The following CUX1 variants were observed in gnomAD, a reference collection of about 807,000 sequenced individuals.
CUX1 encodes cut like homeobox 1.
A neutral mutation model predicts 158.8 loss-of-function variants in CUX1; 31 were observed. The observed-to-expected ratio is 0.20, with a 90% CI of 0.15 to 0.26. The LOEUF is 0.26. Ranked by LOEUF, CUX1 falls within the 10% of genes least tolerant of loss-of-function variation. The pLI, the probability that CUX1 is intolerant of heterozygous loss-of-function variation, is 1.00. For synonymous variants in CUX1, 879 were observed against 862.1 expected (o/e 1.02, Z -0.34); for missense variants, 1,589 against 2,014.6 (o/e 0.79, Z 4.04).
At chr7:101,958,741 A>T (rs1231867700) in intron 2 of CUX1, among the ~76,000 whole-genome samples, 2 of 151,320 alleles carry the variant, frequency 1.3e-5, no homozygotes, top group East Asian at 1.9e-4. Flanking sequence ...CAGCCTCCCA[A>T]AGTGCTGGGA....
At chr7:102,165,523 C>A (rs1790931255) in intron 9 of CUX1, among the ~76,000 whole-genome samples, 1 of 151,922 alleles carries the variant, frequency 6.6e-6, no homozygotes, top group East Asian at 1.9e-4. Context: ...CACCCCCACG[C>A]CCAGCTAATT....
chr7:102,040,374 C>A lies in CUX1; in HGVS notation c.189+12229C>A, dbSNP rs376567524. Among the ~76,000 whole-genome samples the A allele has an allele frequency of 2.0e-5, 3 of 152,138 alleles. No individual in the cohort carries two copies. The East Asian group carries it at 5.8e-4, about 29-fold the overall frequency. On this transcript the variant is annotated intron_variant, in intron 3 of 23. Transcript: ENST00000292535. ...GATGGGGGCAGTGAGTGCCAGGGCT[C>A]TGCAGGGATGGGCTTGCCTGGCAGG...
At chr7:101,926,364 T>C (rs1383500436) in intron 2 of CUX1, among the ~76,000 whole-genome samples, 1 of 152,176 alleles carries the variant, frequency 6.6e-6, no homozygotes, top group East Asian at 1.9e-4. Flanking sequence ...GTGGGACCAG[T>C]AATGAAGGCA....
intron 2 of CUX1, among the ~76,000 whole-genome samples, chr7:102,021,093 T>G (rs1300811844): frequency 1.8e-4 from 28 of 151,752 alleles, no homozygotes; most frequent in Non-Finnish European, 4.4e-5. Context: ...GTGACCCAGT[T>G]CAGCCCCTCA....
chr7:101,874,276 G>T (rs1798883458), intron 1 of CUX1, among the ~76,000 whole-genome samples: 1 of 152,166 alleles, frequency 6.6e-6, no homozygotes, highest in Non-Finnish European at 1.5e-5. Flanking sequence ...TGCTTCCTTG[G>T]TGTCTCTCTC....
chr7:102,193,904 C>T lies in CUX1; in HGVS notation c.1125+14C>T. ...GCTGGGACACAGGTACGTGTCTCAC[C>T]TCAATGGTCAGCACTAGCATCAGCC... is the stretch of plus-strand genomic sequence containing the variant. On this transcript the variant is annotated intron_variant, in intron 13 of 23. Coordinates refer to ENST00000292535, the MANE Select transcript of CUX1 (RefSeq NM_181552.4). The T allele has an allele frequency of 6.2e-7, 1 of 1,613,690 alleles. No homozygotes were observed. Among genetic ancestry groups the T allele is most frequent in the Non-Finnish European group, 8.5e-7 (1 of 1,179,718 alleles).
intron 3 of CUX1, among the ~76,000 whole-genome samples, chr7:102,055,780 G>A (rs1180778214): frequency 6.6e-6 from 1 of 152,188 alleles, no homozygotes; most frequent in Admixed American, 6.5e-5. Flanking sequence ...AGTGAGAAAG[G>A]CGTGTTGAAA....
intron 8 of CUX1, among the ~76,000 whole-genome samples, chr7:102,150,955 A>G (rs1318609783): frequency 6.6e-6 from 1 of 152,230 alleles, no homozygotes; most frequent in Non-Finnish European, 1.5e-5. Flanking sequence ...TGCTGAGCAA[A>G]CAATATGTGC....
intron 2 of CUX1, among the ~76,000 whole-genome samples, chr7:102,017,470 CG>C (rs551308897): frequency 3.2e-4 from 35 of 108,840 alleles, no homozygotes; most frequent in Non-Finnish European, 6.1e-4. Context: ...TCACCATTCT[CG>C]CTAAGCTCCC....
At chr7:102,030,689 G>GTGTTTTGTTTTTTTTTTTTTTGTTTTT in intron 3 of CUX1, among the ~76,000 whole-genome samples, 1 of 82,546 alleles carries the variant, frequency 1.2e-5, no homozygotes, top group South Asian at 4.8e-4. Context: ...ATTTTAAAAA[G>GTGTTTTGTTTTTTTTTTTTTTGTTTTT]TGTTTTTTTT....
chr7:102,146,505 T>C (rs981260032), intron 8 of CUX1, among the ~76,000 whole-genome samples: 1 of 152,134 alleles, frequency 6.6e-6, no homozygotes, highest in Non-Finnish European at 1.5e-5. Flanking sequence ...CACGTCAACT[T>C]GTGGGGCAGG....
chr7:102,130,209 C>T (rs1236234996), intron 8 of CUX1, among the ~76,000 whole-genome samples: 2 of 152,072 alleles, frequency 1.3e-5, no homozygotes, highest in African/African-American at 2.4e-5. Context: ...TTTTTAATGC[C>T]GAGCTTTATG....
chr7:101,924,363 A>G (rs1805327686), intron 2 of CUX1, among the ~76,000 whole-genome samples: 1 of 151,992 alleles, frequency 6.6e-6, no homozygotes, highest in East Asian at 1.9e-4. Flanking sequence ...AAAGAGAGTC[A>G]CTTAAAAATA....
chr7:101,958,482 T>TTC (rs202064772), intron 2 of CUX1, among the ~76,000 whole-genome samples: 18 of 136,608 alleles, frequency 1.3e-4, no homozygotes, highest in African/African-American at 3.4e-4. Context: ...TTCTTTTCTT[T>TTC]TTTTTTTTTT....
intron 8 of CUX1, among the ~76,000 whole-genome samples, chr7:102,137,974 C>A (rs1449732600): frequency 1.3e-5 from 2 of 152,106 alleles, no homozygotes; most frequent in Non-Finnish European, 2.9e-5. Context: ...TCACTTGAAC[C>A]CAGGAACTGG....
intron 4 of CUX1, among the ~76,000 whole-genome samples, chr7:102,081,075 C>T (rs1325248136): frequency 6.6e-6 from 1 of 152,220 alleles, no homozygotes; most frequent in Non-Finnish European, 1.5e-5. Context: ...AGGTGACTGC[C>T]TGCTGAATCA....
At chr7:101,847,437 G>T (rs534541334) in intron 1 of CUX1, among the ~76,000 whole-genome samples, 2 of 151,998 alleles carry the variant, frequency 1.3e-5, no homozygotes, top group East Asian at 3.9e-4. Flanking sequence ...TGTCTTGGAC[G>T]GCAGACAGCA....
intron 21 of CUX1, 133 bp downstream of exon 21, chr7:102,227,802 A>T: frequency 1.1e-6 from 1 of 884,994 alleles, no homozygotes; most frequent in Admixed American, 2.6e-5. Context: ...AACATGAAAC[A>T]TCCTATAGTT....
intron 3 of CUX1, among the ~76,000 whole-genome samples, chr7:102,038,360 G>A (rs1407448663): frequency 6.6e-6 from 1 of 152,102 alleles, no homozygotes; most frequent in Admixed American, 6.6e-5. Flanking sequence ...CAAAATGCTC[G>A]CATGTCAATG....
Sources: allele counts gnomAD v4.1 joint callset (sites outside exome capture counted in the v4.1 genomes callset), GRCh38; gene constraint gnomAD v4.1.1; transcripts MANE v1.5; gene names NCBI Gene and HGNC (gene_info 2026-07-23, HGNC 2026-07-21).